The following PLCD3 variants were observed in gnomAD, a reference collection of about 807,000 sequenced individuals.
PLCD3 encodes the protein phospholipase C delta 3.
A neutral mutation model predicts 82.8 loss-of-function variants in PLCD3; 62 were observed. The observed-to-expected ratio is 0.75, with a 90% confidence interval of 0.61 to 0.93. PLCD3 has a LOEUF of 0.93. PLCD3 is among the 40% of genes least tolerant of loss of function. The probability of loss-of-function intolerance (pLI) is 0.00; values close to 1 mark genes in which losing one functional copy is unlikely to be tolerated. For synonymous variants in PLCD3, 478 were observed against 471.8 expected, an observed-to-expected ratio of 1.01 and a Z score of -0.17; for missense variants, 1,023 against 1,103.4, an observed-to-expected ratio of 0.93 and a Z score of 1.03.
At chr17:45,128,176 G>A (rs1268716063) in intron 1 of PLCD3, among the ~76,000 whole-genome samples, 1 of 152,190 alleles carries the variant, frequency 6.6e-6, no homozygotes. Flanking sequence ...GGGGCTCGGT[G>A]CCAGAGTCCA....
chr17:45,120,104 G>C (rs1470799210), intron 4 of PLCD3, among the ~76,000 whole-genome samples: 2 of 152,270 alleles, frequency 1.3e-5, no homozygotes, highest in Admixed American at 6.5e-5. Flanking sequence ...GATGAGGAAA[G>C]TTCTGGGCCC....
chr17:45,112,789 C>T (rs1191051154), intron 14 of PLCD3, 74 bp downstream of exon 14: 5 of 1,594,866 alleles, frequency 3.1e-6, no homozygotes, highest in East Asian at 2.3e-5. Flanking sequence ...GCAGGAAATT[C>T]GAGGCACAAA....
At position 45,118,787 on chromosome 17, in the gene PLCD3, C is replaced by T; in HGVS notation, c.913+28G>A. The stretch of plus-strand genomic sequence containing the variant: ...CTGGGAACACAGCCCTTTCAGGTGC[C>T]ACGACCTGGCCGTGCCACCCCCCCC... On this transcript the variant is annotated intron_variant, in intron 5 of 14. Coordinates refer to ENST00000619929, the MANE Select transcript of PLCD3 (RefSeq NM_133373.5). The surrounding 1 kb of genome is among the most constrained non-coding windows in gnomAD (Gnocchi z 4.1). 6.3e-7 allele frequency: 1 copy of T among 1,583,814 alleles called. No individual in the cohort carries two copies. Among genetic ancestry groups the T allele is most frequent in the South Asian group, 1.1e-5 (1 of 88,752 alleles).
chr17:45,116,256 T>C (rs2054290672), intron 8 of PLCD3, among the ~76,000 whole-genome samples: 1 of 152,138 alleles, frequency 6.6e-6, no homozygotes, highest in African/African-American at 2.4e-5. Context: ...TTGAGCTGAA[T>C]TCTAAGCAGG....
At chr17:45,114,914 G>A (rs538297866) in intron 10 of PLCD3, among the ~76,000 whole-genome samples, 180 bp downstream of exon 10, 45 of 152,100 alleles carry the variant, frequency 3.0e-4, no homozygotes, top group African/African-American at 1.0e-3. Context: ...CGCCCTCAGC[G>A]TGCCACTCCC....
Position 45,118,097 on chromosome 17 carries a change from C to G in PLCD3, c.1157G>C (p.Trp386Ser), listed in dbSNP as rs748396082. 7 of 1,613,814 alleles carry G rather than the reference C, an allele frequency of 4.3e-6. No individual in the cohort carries two copies. The highest frequency in any genetic ancestry group is 5.9e-6 in the Non-Finnish European group (7 of 1,179,890). Residue 386 changes from tryptophan to serine, a missense_variant, in exon 7 of 15, where the codon TGG becomes TCG. Trp to Ser is a radical substitution (Grantham distance 177). This residue lies in a region of PLCD3 where 553 missense variants were observed against 655.7 expected (regional missense o/e 0.84). Coordinates refer to ENST00000619929, the MANE Select transcript of PLCD3 (RefSeq NM_133373.5). The surrounding 1 kb of genome is among the most constrained non-coding windows in gnomAD (Gnocchi z 4.1). ...QGCRCVELDC[W>S]EGPGGEPVIY... The stretch of plus-strand genomic sequence containing the variant: ...GACGGGCTCCCCTCCTGGCCCCTCC[C>G]AGCAGTCCAGCTCCACGCAGCGGCA...
At position 45,131,686 on chromosome 17, in the gene PLCD3, C is replaced by T. The variant is rs1310238631; in HGVS notation, c.163+562G>A. On this transcript the variant is annotated intron_variant, in intron 1 of 14. Coordinates refer to ENST00000619929, the MANE Select transcript of PLCD3 (RefSeq NM_133373.5). ...GTTCCAATGAGCCACAGTTACATTC[C>T]TTCTCCACGACTGACTTCCCCAAAT... 4.6e-5 allele frequency among the ~76,000 whole-genome samples: 7 copies of T among 152,352 alleles called. No homozygotes were observed. The East Asian group carries it at 9.6e-4, about 21-fold the overall frequency.
In PLCD3 at chr17:45,121,124, A is replaced by G; in HGVS notation, c.332T>C (p.Val111Ala). The G allele has an allele frequency of 6.6e-7, 1 of 1,524,316 alleles. No individual in the cohort carries two copies. Among genetic ancestry groups the G allele is most frequent in the Non-Finnish European group, 8.8e-7 (1 of 1,142,840 alleles). The allele number at this position is 1,524,316 out of a possible 1,614,324, so 94.4% of individuals were successfully genotyped here. A position where few individuals can be genotyped will look rare whatever the true frequency, so the allele number is the denominator to read the frequency against. ...CTCGCGGACCGCCTCGATGTGCTGCACGAAGACTGAGAGGAGGGCCGGGTC... is the reference window on the plus strand; with the variant it reads ...CTCGCGGACCGCCTCGATGTGCTGCGCGAAGACTGAGAGGAGGGCCGGGTC... ...PRAPSQHIFF[V>A]QHIEAVREGH... The change falls in exon 3 of 15, where the codon GTG becomes GCG. Residue 111 changes from valine to alanine, a missense_variant. Transcript: ENST00000619929.
chr17:45,121,174 C>A, intron 2 of PLCD3, 37 bp downstream of exon 2: 1 of 1,541,002 alleles, frequency 6.5e-7, no homozygotes, highest in Non-Finnish European at 8.7e-7. Context: ...GGCCTGTCCC[C>A]ACCTCCCTGT....
At chr17:45,116,456 G>C (rs1235527903) in intron 8 of PLCD3, among the ~76,000 whole-genome samples, 176 bp downstream of exon 8, 1 of 152,148 alleles carries the variant, frequency 6.6e-6, no homozygotes, top group Non-Finnish European at 1.5e-5. Flanking sequence ...GAGAGCCAGA[G>C]GGCAGCAGAA....
chr17:45,120,370 C>T lies in PLCD3; in HGVS notation c.639G>A (p.Met213Ile), dbSNP rs954834248. ...ACATGTCGTTCATGTCCACGTTGAC[C>T]ATTCTCAGCAGGCTCTTGATCTCCT... Reference protein sequence around the residue: ...SFKEIKSLLRMVNVDMNDMYA... With the variant: ...SFKEIKSLLRIVNVDMNDMYA... Residue 213 changes from methionine to isoleucine, a missense_variant, in exon 4 of 15, where the codon ATG (methionine) becomes ATA (isoleucine). Around this residue, in one of 3 missense-constraint regions of PLCD3, gnomAD observed 448 missense variants for 406.3 expected, o/e 1.10. Transcript: ENST00000619929. The T allele has an allele frequency of 6.2e-7, 1 of 1,614,010 alleles. No individual in the cohort carries two copies.
At chr17:45,116,999 T>C (rs1318028167) in intron 7 of PLCD3, among the ~76,000 whole-genome samples, 1 of 152,070 alleles carries the variant, frequency 6.6e-6, no homozygotes, top group African/African-American at 2.4e-5. Context: ...TGCTGGAGTA[T>C]AGTGGTGCAA....
At chr17:45,117,276 C>A (rs2054298780) in intron 7 of PLCD3, among the ~76,000 whole-genome samples, 1 of 151,992 alleles carries the variant, frequency 6.6e-6, no homozygotes, top group African/African-American at 2.4e-5. Context: ...ATGCTTTGGT[C>A]TCTCTCCATC....
intron 1 of PLCD3, among the ~76,000 whole-genome samples, chr17:45,128,896 G>A (rs991692652): frequency 3.3e-5 from 5 of 152,204 alleles, no homozygotes; most frequent in Admixed American, 6.5e-5. Context: ...GGAGAGGAGC[G>A]GCCAGGAGGC....
At position 45,118,621 on chromosome 17, in the gene PLCD3, C is replaced by A; in HGVS notation, c.914-129G>T. 8.4e-7 allele frequency: 1 copy of A among 1,189,948 alleles called. No individual in the cohort carries two copies. The highest frequency in any genetic ancestry group is 1.5e-5 in the South Asian group (1 of 68,134). 73.7% of individuals were successfully genotyped at this position (1,189,948 alleles called of 1,614,324 possible). ...TCTACTGACTAGACTCCATGTAAGT[C>A]ATGCCACTTAACCTTCGACCAGACC... On this transcript the variant is annotated intron_variant, in intron 5 of 14. Transcript: ENST00000619929. This position sits in a 1 kb window ranked among gnomAD's most constrained non-coding sequence, Gnocchi z 4.1.
At chr17:45,123,946 G>A (rs574356594) in intron 1 of PLCD3, among the ~76,000 whole-genome samples, 1 of 130,046 alleles carries the variant, frequency 7.7e-6, no homozygotes, top group East Asian at 2.2e-4. Flanking sequence ...CAGGCCGAGG[G>A]GCTCACCAGA....
rs2054265985 is a variant in PLCD3 at position 45,113,522 on chromosome 17, G to C, written c.1912C>G (p.Leu638Val). 1 of 1,577,276 alleles carries C rather than the reference G, an allele frequency of 6.3e-7. No homozygotes were observed. Among genetic ancestry groups the C allele is most frequent in the Non-Finnish European group, 8.6e-7 (1 of 1,161,876 alleles). The stretch of plus-strand genomic sequence containing the variant: ...GGTTGCCGCAGGCAGGCAGGTTTTA[G>C]GACGTAGCCACACTGCCCATTGACT... ...FLVNGQCGYVLKPACLRQPDS... is the reference protein window; with the variant it reads ...FLVNGQCGYVVKPACLRQPDS... The change falls in exon 12 of 15, where the codon CTA becomes GTA. Residue 638 changes from leucine (L) to valine (V), a missense_variant. Leu to Val is a conservative substitution (Grantham distance 32). Coordinates refer to ENST00000619929, the MANE Select transcript of PLCD3 (RefSeq NM_133373.5).
intron 1 of PLCD3, among the ~76,000 whole-genome samples, chr17:45,126,764 T>C (rs1297801903): frequency 6.6e-6 from 1 of 151,750 alleles, no homozygotes; most frequent in Non-Finnish European, 1.5e-5. Flanking sequence ...GCTCAAACAA[T>C]CCACCTACCT....
chr17:45,132,481 C>G lies in PLCD3; in HGVS notation c.-71G>C. On this transcript the variant is annotated 5_prime_UTR_variant, in exon 1 of 15. Transcript: ENST00000619929. The surrounding 1 kb of genome is among the most constrained non-coding windows in gnomAD (Gnocchi z 4.6). Reference sequence around the variant, plus strand: ...ACAGGGCAGCGGGGCGCCGCTCTGGCCCGGCCCCGGCTCTGAGCGAGGCGG... The same window carrying G: ...ACAGGGCAGCGGGGCGCCGCTCTGGGCCGGCCCCGGCTCTGAGCGAGGCGG... 1.0e-6 allele frequency: 1 copy of G among 996,272 alleles called. No individual in the cohort carries two copies. The highest frequency in any genetic ancestry group is 1.3e-6 in the Non-Finnish European group (1 of 794,418). The allele number at this position is 996,272 out of a possible 1,614,324, so 61.7% of individuals were successfully genotyped here. A position where few individuals can be genotyped will look rare whatever the true frequency, so the allele number is the denominator to read the frequency against.
Sources: allele counts gnomAD v4.1 joint callset (sites outside exome capture counted in the v4.1 genomes callset), GRCh38; gene constraint gnomAD v4.1.1; regional missense constraint gnomAD v4.1.1; non-coding constraint Gnocchi (gnomAD v3.1); transcripts MANE v1.5; gene names NCBI Gene and HGNC (gene_info 2026-07-23, HGNC 2026-07-21).